MBP: variants seen among roughly 807,000 people sequenced by gnomAD.
MBP encodes the protein Golli-MBP.
Under a neutral mutation model 35.8 loss-of-function variants are expected in MBP, and 16 were observed. That is an observed-to-expected ratio of 0.45 (90% CI 0.30 to 0.68). MBP has a LOEUF of 0.68. Ranked by LOEUF, MBP falls within the 30% of genes least tolerant of loss-of-function variation. MBP has a pLI of 0.08. For synonymous variants in MBP, 143 were observed against 159.6 expected (o/e 0.90, Z 0.78); for missense variants, 380 against 404.7 (o/e 0.94, Z 0.52).
intron 4 of MBP, chr18:77,003,895 G>A (rs758763474): frequency 6.6e-6 from 1 of 152,128 alleles, no homozygotes; most frequent in East Asian, 1.9e-4. Context: ...TTCAATGCGT[G>A]CGTATTTTCT....
chr18:77,103,405 A>G lies in MBP; in HGVS notation c.51+1806T>C, dbSNP rs370288695. Among the ~76,000 whole-genome samples, 31 of 152,328 alleles carry G rather than the reference A, an allele frequency of 2.0e-4. 1 individual carries two copies. The highest frequency in any genetic ancestry group is 7.5e-4 in the African/African-American group (31 of 41,570). The stretch of plus-strand genomic sequence containing the variant: ...CAGCAGCCGGACATTCTAGTGCACC[A>G]CCATCTGCCTCGAGTTGGAGACACA... On this transcript the variant is annotated intron_variant, in intron 2 of 8. Coordinates refer to ENST00000355994, the MANE Select transcript of MBP (RefSeq NM_001025101.2).
intron 3 of MBP, among the ~76,000 whole-genome samples, chr18:77,040,997 C>T (rs1972967198): frequency 6.6e-6 from 1 of 151,822 alleles, no homozygotes; most frequent in Admixed American, 6.6e-5. Context: ...AACAGGCAAC[C>T]TACAGAATGG....
At chr18:77,084,910 G>A (rs956125682) in intron 2 of MBP, among the ~76,000 whole-genome samples, 2 of 152,068 alleles carry the variant, frequency 1.3e-5, no homozygotes, top group Non-Finnish European at 2.9e-5. Context: ...CGCTCCATCA[G>A]CTGGTTAAGT....
chr18:76,988,332 C>T lies in MBP; in HGVS notation c.750+163G>A, dbSNP rs777761211. ...AAGGGAAGACCACGTTTCATTTCCC[C>T]AGTGGAAGACAAGGCGGCCCGATCC... is the stretch of plus-strand genomic sequence containing the variant. On this transcript the variant is annotated intron_variant, in intron 7 of 8. Coordinates refer to ENST00000355994, the MANE Select transcript of MBP (RefSeq NM_001025101.2). The surrounding 1 kb of genome is among the most constrained non-coding windows in gnomAD (Gnocchi z 5.2). 6.9e-6 allele frequency: 11 copies of T among 1,592,530 alleles called. 1 individual carries two copies. In the South Asian group the frequency reaches 1.2e-4, roughly 18 times the overall value.
At chr18:77,088,547 C>T (rs1016678324) in intron 2 of MBP, among the ~76,000 whole-genome samples, 3 of 152,084 alleles carry the variant, frequency 2.0e-5, no homozygotes, top group African/African-American at 4.8e-5. Flanking sequence ...ATGATGCATG[C>T]GTATGATAAT....
At chr18:77,060,084 T>G (rs1235143356) in intron 3 of MBP, among the ~76,000 whole-genome samples, 5 of 152,180 alleles carry the variant, frequency 3.3e-5, no homozygotes, top group Non-Finnish European at 7.4e-5. Flanking sequence ...AGGCCCTCGT[T>G]CCATGTCCTT....
chr18:77,068,881 A>G (rs1486571016), intron 2 of MBP: 3 of 446,040 alleles, frequency 6.7e-6, no homozygotes, highest in Non-Finnish European at 1.3e-5. Context: ...TGGGACTGGA[A>G]TAAACACTCT....
At chr18:77,026,910 T>G (rs1251432676) in intron 3 of MBP, among the ~76,000 whole-genome samples, 3 of 151,888 alleles carry the variant, frequency 2.0e-5, no homozygotes, top group Non-Finnish European at 2.9e-5. Context: ...CTGGTGGACA[T>G]CACGTCCAAG....
chr18:77,092,884 T>A (rs971485593), intron 2 of MBP, among the ~76,000 whole-genome samples: 3 of 152,126 alleles, frequency 2.0e-5, no homozygotes. Context: ...CCCTGCTCAG[T>A]GGGGAACACA....
chr18:76,998,632 AGCACGCG>A (rs1321098867), intron 4 of MBP, among the ~76,000 whole-genome samples: 2 of 152,202 alleles, frequency 1.3e-5, no homozygotes, highest in Non-Finnish European at 2.9e-5. Context: ...AAGGAATAGC[AGCACGCG>A]GCATCGGGAC....
At chr18:77,016,013 A>G (rs985160343) in intron 4 of MBP, 4 of 985,190 alleles carry the variant, frequency 4.1e-6, no homozygotes, top group Non-Finnish European at 4.8e-6. Context: ...ACCACCAAAC[A>G]CTCTAAACAT....
intron 3 of MBP, among the ~76,000 whole-genome samples, chr18:77,026,975 A>G (rs1972248103): frequency 6.6e-6 from 1 of 152,208 alleles, no homozygotes; most frequent in Non-Finnish European, 1.5e-5. Flanking sequence ...AGGTAACTTG[A>G]GGGTTTCCCA....
At chr18:77,033,843 C>T (rs76108771) in intron 3 of MBP, among the ~76,000 whole-genome samples, 9,827 of 151,764 alleles carry the variant, frequency 0.065, 374 homozygotes, top group Middle Eastern at 0.099. Flanking sequence ...TTTATCCATC[C>T]ATCCATCCAT....
rs1277370975 is a variant in MBP at position 77,131,113 on chromosome 18, ACACACACC to A, written c.-26+1459_-26+1466del. On this transcript the variant is annotated intron_variant, in intron 1 of 8. Coordinates refer to ENST00000355994, the MANE Select transcript of MBP (RefSeq NM_001025101.2). The surrounding 1 kb of genome is among the most constrained non-coding windows in gnomAD (Gnocchi z 5.5). Reference sequence around the variant, plus strand: ...CACACACACACACACACACACACACACACACACCCCCTCTGCCGCGGTACCCTTCCCCT... The same window carrying A: ...CACACACACACACACACACACACACACCCTCTGCCGCGGTACCCTTCCCCT... 0.017 allele frequency among the ~76,000 whole-genome samples: 1,016 copies of A among 60,978 alleles called. 9 individuals are homozygous for A. The highest frequency in any genetic ancestry group is 0.04 in the Non-Finnish European group (692 of 17,348). The allele number at this position is 60,978 out of a possible 152,430, so 40.0% of individuals were successfully genotyped here. A position where few individuals can be genotyped will look rare whatever the true frequency, so the allele number is the denominator to read the frequency against.
intron 7 of MBP, 154 bp from the exon 8 acceptor site, chr18:76,985,048 G>A: frequency 6.7e-7 from 1 of 1,484,906 alleles, no homozygotes; most frequent in Non-Finnish European, 9.1e-7. Context: ...ACCACGCTGA[G>A]GGGGTGGGGG....
intron 3 of MBP, among the ~76,000 whole-genome samples, chr18:77,035,676 A>T (rs924581578): frequency 1.3e-5 from 2 of 152,202 alleles, no homozygotes; most frequent in African/African-American, 4.8e-5. Flanking sequence ...GGGGACCATG[A>T]GGCTGACTTA....
intron 2 of MBP, among the ~76,000 whole-genome samples, chr18:77,091,907 T>C (rs1294163462): frequency 6.6e-6 from 1 of 152,146 alleles, no homozygotes; most frequent in Non-Finnish European, 1.5e-5. Context: ...CACAGAGATA[T>C]AATTTTTCAC....
intron 2 of MBP, among the ~76,000 whole-genome samples, chr18:77,083,862 G>C (rs546681802): frequency 6.6e-6 from 1 of 152,180 alleles, no homozygotes; most frequent in African/African-American, 2.4e-5. Context: ...GGGAGGGATT[G>C]CTAGAAGGCA....
intron 7 of MBP, chr18:76,986,171 T>C: frequency 1.0e-6 from 1 of 985,546 alleles, no homozygotes; most frequent in African/African-American, 1.7e-5. Context: ...GGATCTTGGT[T>C]GGCCTCCTGA....
Sources: allele counts gnomAD v4.1 joint callset (sites outside exome capture counted in the v4.1 genomes callset), GRCh38; gene constraint gnomAD v4.1.1; non-coding constraint Gnocchi (gnomAD v3.1); transcripts MANE v1.5; gene names NCBI Gene and HGNC (gene_info 2026-07-23, HGNC 2026-07-21).